The following PTPRT variants were observed in gnomAD, a reference collection of about 807,000 sequenced individuals.
PTPRT encodes protein tyrosine phosphatase receptor type T.
Under a neutral mutation model 176.8 loss-of-function variants are expected in PTPRT, and 56 were observed. The observed-to-expected ratio is 0.32, with a 90% CI of 0.26 to 0.40. The LOEUF is 0.40. PTPRT is among the 10% of genes least tolerant of loss of function. The pLI, the probability that PTPRT is intolerant of heterozygous loss-of-function variation, is 1.00. For missense variants in PTPRT, 1,540 were observed against 1,908.2 expected (o/e 0.81, Z 3.60); for synonymous variants, 783 against 739.0 (o/e 1.06, Z -0.96).
At chr20:42,457,683 G>A (rs529179888) in intron 8 of PTPRT, among the ~76,000 whole-genome samples, 1 of 152,212 alleles carries the variant, frequency 6.6e-6, no homozygotes, top group East Asian at 1.9e-4. Flanking sequence ...CTGACCTGTG[G>A]GGCAGTGGTA....
intron 12 of PTPRT, among the ~76,000 whole-genome samples, chr20:42,296,052 T>C (rs554200754): frequency 5.1e-4 from 77 of 152,312 alleles, no homozygotes; most frequent in African/African-American, 1.7e-3. Flanking sequence ...TTTATAGCAG[T>C]GTGAGAACGA....
At chr20:42,925,833 C>T (rs1979447749) in intron 1 of PTPRT, among the ~76,000 whole-genome samples, 1 of 152,202 alleles carries the variant, frequency 6.6e-6, no homozygotes, top group African/African-American at 2.4e-5. Flanking sequence ...GAAAAGAGGG[C>T]TTCATTCCCT....
chr20:42,049,081 A>G, the PTPRT span, among the ~76,000 whole-genome samples: 1 of 152,040 alleles, frequency 6.6e-6, no homozygotes, highest in African/African-American at 2.4e-5. Context: ...CAGCCTCCCA[A>G]AGTGCTGGGA....
intron 6 of PTPRT, among the ~76,000 whole-genome samples, chr20:42,688,850 G>T (rs891465539): frequency 6.6e-6 from 1 of 152,140 alleles, no homozygotes; most frequent in African/African-American, 2.4e-5. Context: ...AGTAATGAGG[G>T]CTGACTCTGC....
At chr20:42,958,231 G>C (rs994651605) in intron 1 of PTPRT, among the ~76,000 whole-genome samples, 1 of 97,356 alleles carries the variant, frequency 1.0e-5, no homozygotes, top group Non-Finnish European at 2.0e-5. Context: ...GGGAGACAGG[G>C]AGAGGGAGAA....
At chr20:42,261,909 C>T (rs575259434) in intron 13 of PTPRT, among the ~76,000 whole-genome samples, 3 of 152,214 alleles carry the variant, frequency 2.0e-5, no homozygotes, top group East Asian at 1.9e-4. Context: ...TGCAACATGC[C>T]GCTTGCAGCT....
At chr20:43,168,791 T>C (rs1198344248) in intron 1 of PTPRT, among the ~76,000 whole-genome samples, 1 of 152,168 alleles carries the variant, frequency 6.6e-6, no homozygotes, top group Admixed American at 6.5e-5. Context: ...TACATGCTCA[T>C]CCCACCGTGC....
At chr20:42,299,936 C>T (rs890613167) in intron 12 of PTPRT, among the ~76,000 whole-genome samples, 1 of 151,636 alleles carries the variant, frequency 6.6e-6, no homozygotes, top group Non-Finnish European at 1.5e-5. Flanking sequence ...CGTGAGCCAC[C>T]GCACCCGGCC....
At chr20:42,097,234 C>T (rs1985359041) in intron 27 of PTPRT, among the ~76,000 whole-genome samples, 1 of 152,254 alleles carries the variant, frequency 6.6e-6, no homozygotes, top group Non-Finnish European at 1.5e-5. Context: ...AGGGACCTCT[C>T]TGCAAGCTGG....
chr20:42,822,083 G>C (rs2077904359), intron 2 of PTPRT, among the ~76,000 whole-genome samples: 1 of 150,468 alleles, frequency 6.6e-6, no homozygotes, highest in South Asian at 2.1e-4. Context: ...TGGAATCAAA[G>C]AAGACCCCAA....
At chr20:42,299,512 G>C (rs1043471009) in intron 12 of PTPRT, among the ~76,000 whole-genome samples, 1 of 151,868 alleles carries the variant, frequency 6.6e-6, no homozygotes, top group Admixed American at 6.6e-5. Flanking sequence ...TGAACAATAA[G>C]TAAATATATG....
intron 1 of PTPRT, among the ~76,000 whole-genome samples, chr20:42,966,751 C>A (rs1982316990): frequency 6.6e-6 from 1 of 152,148 alleles, no homozygotes; most frequent in Non-Finnish European, 1.5e-5. Context: ...AAAAATAGAG[C>A]AAGGCTGTAG....
In PTPRT at chr20:43,054,490, G is replaced by A. The variant is rs375286574; in HGVS notation, c.88+135156C>T. On this transcript the variant is annotated intron_variant, in intron 1 of 30. Transcript: ENST00000373187. ...GATGGTTTGAGCCCAGAACGTCAAG[G>A]CGGCAGTGGGCCAAGATTGTACCAC... is the stretch of plus-strand genomic sequence containing the variant. Among the ~76,000 whole-genome samples the A allele has an allele frequency of 2.0e-5, 3 of 151,706 alleles. No individual in the cohort carries two copies. In the East Asian group the frequency reaches 5.8e-4, roughly 29 times the overall value.
intron 2 of PTPRT, among the ~76,000 whole-genome samples, chr20:42,810,826 C>G (rs2077687625): frequency 6.6e-6 from 1 of 152,230 alleles, no homozygotes; most frequent in Non-Finnish European, 1.5e-5. Context: ...TCTTTCGACG[C>G]TGCCTCTCCC....
chr20:42,117,827 G>T (rs1987367574), intron 21 of PTPRT, among the ~76,000 whole-genome samples: 1 of 152,148 alleles, frequency 6.6e-6, no homozygotes, highest in African/African-American at 2.4e-5. Flanking sequence ...TTCTTTTTAA[G>T]ATGGAAGGTA....
At chr20:42,612,842 A>G (rs1329159828) in intron 7 of PTPRT, among the ~76,000 whole-genome samples, 3 of 152,108 alleles carry the variant, frequency 2.0e-5, no homozygotes, top group African/African-American at 7.2e-5. Context: ...CCCAAAATGG[A>G]CCATGGTCCA....
intron 1 of PTPRT, among the ~76,000 whole-genome samples, chr20:42,899,261 G>A (rs895167173): frequency 1.1e-4 from 16 of 152,322 alleles, no homozygotes; most frequent in South Asian, 2.1e-4. Context: ...GTCATCCCCC[G>A]TCTCAGAGAA....
intron 6 of PTPRT, among the ~76,000 whole-genome samples, chr20:42,714,398 G>A (rs2076192721): frequency 6.6e-6 from 1 of 152,176 alleles, no homozygotes; most frequent in Non-Finnish European, 1.5e-5. Context: ...TATTATTTAT[G>A]TACAAATTCT....
chr20:42,847,381 C>T (rs56026270), intron 2 of PTPRT, among the ~76,000 whole-genome samples: 34 of 152,040 alleles, frequency 2.2e-4, no homozygotes, highest in African/African-American at 7.5e-4. Context: ...TCCCCGCCCC[C>T]CTCTGATTTC....
Sources: gnomAD v4.1 joint callset for allele counts (sites outside exome capture counted in the v4.1 genomes callset) on GRCh38, gnomAD v4.1.1 for gene constraint, MANE v1.5 for transcripts, NCBI Gene and HGNC (gene_info 2026-07-23, HGNC 2026-07-21) for gene names.